C16orf74: variants seen among roughly 807,000 people sequenced by gnomAD.
The protein encoded by C16orf74 is calcimembrin, also known as uncharacterized protein C16orf74.
C16orf74 carries 10 observed loss-of-function variants against 6.5 expected under a neutral mutation model. The observed-to-expected ratio is 1.54, with a 90% CI of 0.95 to 2.61. The LOEUF is 2.61. Ranked by LOEUF, C16orf74 falls within the 30% of genes most tolerant of loss-of-function variation. The pLI is 0.00. For synonymous variants in C16orf74, 60 were observed against 42.5 expected (o/e 1.41, Z -1.60); for missense variants, 141 against 105.9 (o/e 1.33, Z -1.45).
At chr16:85,720,562 A>T (rs1456610244) in intron 2 of C16orf74, among the ~76,000 whole-genome samples, 1 of 151,948 alleles carries the variant, frequency 6.6e-6, no homozygotes, top group Non-Finnish European at 1.5e-5. Flanking sequence ...GAGCCCAGCA[A>T]TTCTGTTCAA....
intron 2 of C16orf74, among the ~76,000 whole-genome samples, chr16:85,726,855 T>C: frequency 6.6e-6 from 1 of 152,120 alleles, no homozygotes; most frequent in South Asian, 2.1e-4. Context: ...CACGCCAGGC[T>C]GCTGCTTGCT....
intron 3 of C16orf74, 64 bp downstream of exon 3, chr16:85,710,100 T>G: frequency 7.5e-7 from 1 of 1,336,602 alleles, no homozygotes; most frequent in Non-Finnish European, 9.6e-7. Flanking sequence ...AGGACGCCCC[T>G]GAGAGCTGTC....
chr16:85,722,809 T>A (rs1043646163), intron 2 of C16orf74, among the ~76,000 whole-genome samples: 1 of 152,184 alleles, frequency 6.6e-6, no homozygotes, highest in Non-Finnish European at 1.5e-5. Context: ...CAGTGACAGG[T>A]CCCTCAGCAC....
chr16:85,710,249 G>T lies in C16orf74; in HGVS notation c.87C>A (p.Asn29Lys), dbSNP rs555442564. ...SSSHDEAPVL[N>K]DKHLDVPDII... The stretch of plus-strand genomic sequence containing the variant: ...TGTCGGGCACGTCCAGGTGCTTGTC[G>T]TTCAGGACGGGGGCCTCGTCGTGGC... The change falls in exon 3 of 4, where the codon AAC (asparagine) becomes AAA (lysine). Residue 29 changes from asparagine to lysine, a missense_variant. By Grantham distance (94) the Asn-to-Lys change is moderately conservative. Transcript: ENST00000284245. 6.7e-7 allele frequency: 1 copy of T among 1,499,530 alleles called. No homozygotes were observed. 92.9% of individuals were successfully genotyped at this position (1,499,530 alleles called of 1,614,324 possible).
intron 2 of C16orf74, among the ~76,000 whole-genome samples, chr16:85,711,830 C>T (rs2053973731): frequency 6.6e-6 from 1 of 152,132 alleles, no homozygotes; most frequent in Non-Finnish European, 1.5e-5. Flanking sequence ...ATTTTTCCTA[C>T]TGTTCTCAGG....
Position 85,729,301 on chromosome 16 carries a change from G to A in C16orf74, c.28+5889C>T, listed in dbSNP as rs556283663. On this transcript the variant is annotated intron_variant, in intron 2 of 3. Transcript: ENST00000284245. ...TGCCAACCCTTATAGGGTGAGGCAC[G>A]AGGGAGATTTTCTTTGGCCTGTGGG... 5.3e-5 allele frequency among the ~76,000 whole-genome samples: 8 copies of A among 152,340 alleles called. No individual in the cohort carries two copies. In the East Asian group the frequency reaches 1.2e-3, roughly 22 times the overall value.
intron 2 of C16orf74, among the ~76,000 whole-genome samples, chr16:85,713,429 T>G (rs1015025385): frequency 1.3e-5 from 2 of 152,140 alleles, no homozygotes; most frequent in Non-Finnish European, 2.9e-5. Context: ...TGCGCCACCA[T>G]GCCCAGCTAA....
intron 2 of C16orf74, among the ~76,000 whole-genome samples, chr16:85,729,960 C>G (rs565581377): frequency 5.6e-4 from 85 of 152,268 alleles, no homozygotes; most frequent in African/African-American, 2.0e-3. Context: ...CGGACAGTCA[C>G]GCACGGTAGA....
At chr16:85,742,127 C>A (rs2054315565) in intron 1 of C16orf74, among the ~76,000 whole-genome samples, 1 of 152,192 alleles carries the variant, frequency 6.6e-6, no homozygotes, top group East Asian at 1.9e-4. Flanking sequence ...AATCCTAGCA[C>A]TGTGGGAGGC....
At chr16:85,725,502 G>C (rs1008043402) in intron 2 of C16orf74, among the ~76,000 whole-genome samples, 3 of 152,196 alleles carry the variant, frequency 2.0e-5, no homozygotes, top group African/African-American at 7.2e-5. Flanking sequence ...ATGGGCAGTG[G>C]CTGCATCCAT....
rs544742502 is a variant in C16orf74, at chr16:85,714,882, T to C, written c.29-4575A>G. On this transcript the variant is annotated intron_variant, in intron 2 of 3. Coordinates refer to ENST00000284245, the MANE Select transcript of C16orf74 (RefSeq NM_206967.3). ...TAAAGAAGAGAACATTTCAGCCGGG[T>C]GCGGTGGCTCACGCCTGTAATCCCA... Among the ~76,000 whole-genome samples, 23 of 150,364 alleles carry C rather than the reference T, an allele frequency of 1.5e-4. No individual in the cohort carries two copies. The South Asian group carries it at 1.7e-3, about 11-fold the overall frequency.
At chr16:85,722,478 G>A (rs1203120234) in intron 2 of C16orf74, among the ~76,000 whole-genome samples, 1 of 152,172 alleles carries the variant, frequency 6.6e-6, no homozygotes, top group Non-Finnish European at 1.5e-5. Context: ...GCAGCTCCAG[G>A]TAGGAGCAAC....
At chr16:85,723,650 ACCTTCTG>A in intron 2 of C16orf74, among the ~76,000 whole-genome samples, 1 of 152,208 alleles carries the variant, frequency 6.6e-6, no homozygotes, top group Non-Finnish European at 1.5e-5. Context: ...ACCCTAGGCC[ACCTTCTG>A]AGTGGATGGT....
chr16:85,747,314 T>C (rs999814420), intron 1 of C16orf74, among the ~76,000 whole-genome samples: 10 of 152,300 alleles, frequency 6.6e-5, no homozygotes, highest in Middle Eastern at 3.4e-3. Flanking sequence ...TAGCTGGGTA[T>C]GGTGGCACAC....
intron 2 of C16orf74, among the ~76,000 whole-genome samples, chr16:85,728,714 C>T (rs1401434457): frequency 1.1e-4 from 16 of 152,224 alleles, no homozygotes. Flanking sequence ...GTGCCTATCT[C>T]AGAAAACTCT....
intron 1 of C16orf74, among the ~76,000 whole-genome samples, chr16:85,738,273 C>A (rs388438): frequency 1.3e-5 from 2 of 150,560 alleles, no homozygotes; most frequent in African/African-American, 4.9e-5. Context: ...GCTGCCTGAG[C>A]CCCACCCCCA....
At chr16:85,730,558 T>C (rs1262306344) in intron 2 of C16orf74, among the ~76,000 whole-genome samples, 2 of 87,166 alleles carry the variant, frequency 2.3e-5, no homozygotes, top group African/African-American at 4.8e-5. Context: ...AACCCCCACA[T>C]CAGCCAACTG....
In C16orf74 at chr16:85,728,428, G is replaced by T. The variant is rs140051975; in HGVS notation, c.28+6762C>A. 2.9e-3 allele frequency among the ~76,000 whole-genome samples: 448 copies of T among 152,148 alleles called. 4 individuals carry two copies. Among genetic ancestry groups the T allele is most frequent in the African/African-American group, 0.01 (432 of 41,518 alleles). ...CCACCAAGCCCCAGGCAGCCCCAAG[G>T]GACCTTCCCCAGGACAGTTGCTGGG... On this transcript the variant is annotated intron_variant, in intron 2 of 3. Coordinates refer to ENST00000284245, the MANE Select transcript of C16orf74 (RefSeq NM_206967.3).
At chr16:85,711,814 G>T (rs992245450) in intron 2 of C16orf74, among the ~76,000 whole-genome samples, 1 of 152,056 alleles carries the variant, frequency 6.6e-6, no homozygotes, top group Non-Finnish European at 1.5e-5. Context: ...AAGGGGTTGG[G>T]GGAATATTTT....
Sources: allele counts gnomAD v4.1 joint callset (sites outside exome capture counted in the v4.1 genomes callset), GRCh38; gene constraint gnomAD v4.1.1; transcripts MANE v1.5; gene names NCBI Gene and HGNC (gene_info 2026-07-23, HGNC 2026-07-21).